Variants in GNAQ observed in about 807,000 individuals in gnomAD.
GNAQ encodes the protein guanine nucleotide-binding protein G(q) subunit alpha.
Under a neutral mutation model 43.9 loss-of-function variants are expected in GNAQ, and 8 were observed. The observed-to-expected ratio is 0.18, with a 90% CI of 0.11 to 0.33. The LOEUF (loss-of-function observed/expected upper bound fraction) is 0.33, where lower values mean the gene tolerates loss of function less well. Among genes scored for constraint, GNAQ ranks in the 10% least tolerant of loss-of-function variants. The probability of loss-of-function intolerance (pLI) is 1.00; values close to 1 mark genes in which losing one functional copy is unlikely to be tolerated. For missense variants in GNAQ, 158 were observed against 450.8 expected (o/e 0.35, Z 5.88); for synonymous variants, 155 against 170.7 (o/e 0.91, Z 0.71).
At chr9:77,786,209 C>G (rs1400184522) in intron 5 of GNAQ, among the ~76,000 whole-genome samples, 1 of 151,886 alleles carries the variant, frequency 6.6e-6, no homozygotes, top group Admixed American at 6.6e-5. Flanking sequence ...AACCCAGTCT[C>G]TACTAAAAAT....
rs566447792 is a variant in GNAQ, at chr9:77,903,128, T to A, written c.321+19033A>T. ...AGAGCTCATGAGCAACACAGGTCGT[T>A]AGAAGAGGTCAGCCCAGAATGGCAG... On this transcript the variant is annotated intron_variant, in intron 2 of 6. Coordinates refer to ENST00000286548, the MANE Select transcript of GNAQ (RefSeq NM_002072.5). 1.6e-3 allele frequency among the ~76,000 whole-genome samples: 245 copies of A among 152,152 alleles called. 2 individuals carry two copies. The highest frequency in any genetic ancestry group is 5.0e-3 in the African/African-American group (208 of 41,522).
At chr9:77,795,515 C>T (rs1826643368) in intron 4 of GNAQ, among the ~76,000 whole-genome samples, 1 of 152,132 alleles carries the variant, frequency 6.6e-6, no homozygotes, top group South Asian at 2.1e-4. Flanking sequence ...GCTCTTTAAA[C>T]ATTTGTTTAA....
At position 77,720,190 on chromosome 9, in the gene GNAQ, T is replaced by TAGAAA. The variant is rs1825289047; in HGVS notation, c.*1132_*1133insTTTCT. The TAGAAA allele has an allele frequency of 4.3e-6, 1 of 233,276 alleles. No individual in the cohort carries two copies. The highest frequency in any genetic ancestry group is 6.0e-5 in the East Asian group (1 of 16,568). 14.5% of individuals were successfully genotyped at this position (233,276 alleles called of 1,614,324 possible). A position where few individuals can be genotyped will look rare whatever the true frequency, so the allele number is the denominator to read the frequency against. On this transcript the variant is annotated 3_prime_UTR_variant, in exon 7 of 7. Coordinates refer to ENST00000286548, the MANE Select transcript of GNAQ (RefSeq NM_002072.5). The stretch of plus-strand genomic sequence containing the variant: ...GAATCAAATTTCTAGTTACAACTGT[T>TAGAAA]TGGCAAATGGCATTTCTGGTTCATT...
chr9:77,796,615 T>C (rs572964965), intron 4 of GNAQ, among the ~76,000 whole-genome samples: 1 of 152,348 alleles, frequency 6.6e-6, no homozygotes, highest in East Asian at 1.9e-4. Flanking sequence ...AGAGATGAGG[T>C]AATAAATTTT....
chr9:77,957,119 GA>G (rs1480030026), intron 1 of GNAQ, among the ~76,000 whole-genome samples: 2 of 152,180 alleles, frequency 1.3e-5, no homozygotes, highest in African/African-American at 2.4e-5. Context: ...AGCACTTGGG[GA>G]GGCCGAGGCA....
chr9:77,812,929 G>GTCT (rs1826950762), intron 3 of GNAQ, among the ~76,000 whole-genome samples: 1 of 151,492 alleles, frequency 6.6e-6, no homozygotes, highest in Admixed American at 6.6e-5. Context: ...TGGAGATGGA[G>GTCT]TCTTCCTCTG....
chr9:77,831,241 G>C (rs1827293418), intron 2 of GNAQ, among the ~76,000 whole-genome samples: 1 of 152,136 alleles, frequency 6.6e-6, no homozygotes, highest in African/African-American at 2.4e-5. Context: ...GAATTAAAAT[G>C]TTTTATATCA....
At chr9:77,976,188 C>T (rs749461362) in intron 1 of GNAQ, among the ~76,000 whole-genome samples, 2 of 152,042 alleles carry the variant, frequency 1.3e-5, no homozygotes, top group Non-Finnish European at 2.9e-5. Flanking sequence ...TTATATTTAA[C>T]AAAAGCATCT....
chr9:77,987,324 G>A (rs1165363710), intron 1 of GNAQ, among the ~76,000 whole-genome samples: 1 of 151,888 alleles, frequency 6.6e-6, no homozygotes, highest in African/African-American at 2.4e-5. Flanking sequence ...CTTCTGAAAT[G>A]GTAGGAGTCA....
chr9:77,977,347 C>CA (rs1823315053), intron 1 of GNAQ, among the ~76,000 whole-genome samples: 1 of 152,132 alleles, frequency 6.6e-6, no homozygotes, highest in Non-Finnish European at 1.5e-5. Flanking sequence ...CCTCATTCTC[C>CA]AAGGGCTCCT....
At chr9:77,773,485 G>A (rs1306614311) in intron 5 of GNAQ, among the ~76,000 whole-genome samples, 2 of 152,170 alleles carry the variant, frequency 1.3e-5, no homozygotes, top group African/African-American at 2.4e-5. Flanking sequence ...TTCACATTAT[G>A]AGGGAGGCAC....
intron 2 of GNAQ, among the ~76,000 whole-genome samples, chr9:77,827,083 T>G (rs1257041114): frequency 6.6e-6 from 1 of 152,202 alleles, no homozygotes; most frequent in Non-Finnish European, 1.5e-5. Context: ...CATAACTGTT[T>G]TGCAACTGGA....
intron 1 of GNAQ, among the ~76,000 whole-genome samples, chr9:78,019,146 A>T (rs923129741): frequency 6.6e-6 from 1 of 152,228 alleles, no homozygotes; most frequent in African/African-American, 2.4e-5. Context: ...CTCTTTACCA[A>T]GATGTATTGG....
At chr9:77,910,082 A>C (rs1427667677) in intron 2 of GNAQ, among the ~76,000 whole-genome samples, 1 of 152,192 alleles carries the variant, frequency 6.6e-6, no homozygotes, top group Admixed American at 6.5e-5. Flanking sequence ...TAAGACTACA[A>C]TTCCTGAGAA....
chr9:77,931,462 G>A (rs1327314901), intron 1 of GNAQ, among the ~76,000 whole-genome samples: 1 of 151,984 alleles, frequency 6.6e-6, no homozygotes, highest in East Asian at 1.9e-4. Flanking sequence ...ATGGTGGCAA[G>A]CACCTGTGGT....
chr9:77,732,212 G>A (rs753134408), intron 5 of GNAQ, among the ~76,000 whole-genome samples: 5 of 152,114 alleles, frequency 3.3e-5, no homozygotes, highest in Admixed American at 1.3e-4. Context: ...ATCAATGTAC[G>A]AGCCACGTGT....
intron 2 of GNAQ, among the ~76,000 whole-genome samples, chr9:77,912,094 T>C (rs1828817169): frequency 6.6e-6 from 1 of 152,204 alleles, no homozygotes; most frequent in Admixed American, 6.5e-5. Flanking sequence ...TCAGCTCTTG[T>C]GCAATCCCAA....
intron 5 of GNAQ, among the ~76,000 whole-genome samples, chr9:77,745,995 T>G (rs1825722569): frequency 6.6e-6 from 1 of 152,064 alleles, no homozygotes; most frequent in Non-Finnish European, 1.5e-5. Flanking sequence ...AAATAAAAGA[T>G]TCTAAAAACT....
At chr9:78,019,204 G>A (rs542907152) in intron 1 of GNAQ, among the ~76,000 whole-genome samples, 5 of 152,130 alleles carry the variant, frequency 3.3e-5, no homozygotes, top group Non-Finnish European at 7.4e-5. Flanking sequence ...GCAATATACA[G>A]GTATTTTCTC....
Sources: gnomAD v4.1 joint callset for allele counts (sites outside exome capture counted in the v4.1 genomes callset) on GRCh38, gnomAD v4.1.1 for gene constraint, MANE v1.5 for transcripts, NCBI Gene and HGNC (gene_info 2026-07-23, HGNC 2026-07-21) for gene names.